Variants in CSMD3 observed in about 807,000 individuals in gnomAD.
CSMD3 encodes CUB and Sushi multiple domains 3.
Under a neutral mutation model 435.2 loss-of-function variants are expected in CSMD3, and 177 were observed. That is an observed-to-expected ratio of 0.41 (90% CI 0.36 to 0.46). The LOEUF (loss-of-function observed/expected upper bound fraction) is 0.46. CSMD3 is among the 20% of genes least tolerant of loss of function. CSMD3 has a pLI of 0.34. For synonymous variants in CSMD3, 1,656 were observed against 1,520.5 expected (o/e 1.09, Z -2.07); for missense variants, 4,265 against 4,504.6 (o/e 0.95, Z 1.52).
intron 63 of CSMD3, 100 bp downstream of exon 63, chr8:112,254,153 G>A: frequency 1.2e-6 from 1 of 856,798 alleles, no homozygotes; most frequent in South Asian, 1.3e-5. Flanking sequence ...AATGCAGATA[G>A]AACATGACTT....
At chr8:112,701,101 C>T (rs1384828110) in intron 13 of CSMD3, among the ~76,000 whole-genome samples, 1 of 152,110 alleles carries the variant, frequency 6.6e-6, no homozygotes, top group Non-Finnish European at 1.5e-5. Flanking sequence ...ACCTCCCAAG[C>T]TCCTCAATAA....
intron 2 of CSMD3, among the ~76,000 whole-genome samples, chr8:113,282,807 A>G (rs908331407): frequency 6.6e-6 from 1 of 152,158 alleles, no homozygotes; most frequent in African/African-American, 2.4e-5. Flanking sequence ...ACAAATCTGG[A>G]GGCATCACAT....
intron 32 of CSMD3, among the ~76,000 whole-genome samples, chr8:112,411,128 T>G (rs201571062): frequency 0.43 from 63,224 of 146,210 alleles, 14,057 homozygotes; most frequent in Middle Eastern, 0.6. Flanking sequence ...TCATCTTTTT[T>G]TTTTTTTTTT....
chr8:112,224,983 A>T, intron 70 of CSMD3, 53 bp from the exon 71 acceptor site: 1 of 1,515,654 alleles, frequency 6.6e-7, no homozygotes. Context: ...CAGAAACAGC[A>T]GACTACAGCT....
chr8:112,584,387 A>G (rs556158633), intron 23 of CSMD3, among the ~76,000 whole-genome samples: 1 of 151,884 alleles, frequency 6.6e-6, no homozygotes, highest in East Asian at 1.9e-4. Context: ...TCACTGGTGT[A>G]AACTCTACTG....
At chr8:113,054,754 C>T (rs2088245798) in intron 5 of CSMD3, among the ~76,000 whole-genome samples, 2 of 152,150 alleles carry the variant, frequency 1.3e-5, no homozygotes, top group African/African-American at 4.8e-5. Context: ...TCTGTACACG[C>T]TGTCTTCATT....
chr8:112,976,184 C>A lies in CSMD3; in HGVS notation c.1031-36G>T, dbSNP rs1229892862. 3.1e-6 allele frequency: 5 copies of A among 1,608,370 alleles called. No homozygotes were observed. The Admixed American group carries it at 6.7e-5, about 22-fold the overall frequency. On this transcript the variant is annotated intron_variant, in intron 6 of 70. Transcript: ENST00000297405. ...CAGTAGCACTAGATGCTAACTTTTT[C>A]TTTTTAAATTTTGTTTATTTTTTCT...
intron 32 of CSMD3, among the ~76,000 whole-genome samples, chr8:112,422,914 G>A (rs1469512361): frequency 6.6e-6 from 1 of 152,164 alleles, no homozygotes; most frequent in Non-Finnish European, 1.5e-5. Flanking sequence ...ATCAATGTGG[G>A]AAGAGGTTTT....
intron 5 of CSMD3, among the ~76,000 whole-genome samples, chr8:113,063,480 A>G (rs1016207365): frequency 1.3e-5 from 2 of 151,952 alleles, no homozygotes; most frequent in Admixed American, 6.6e-5. Flanking sequence ...TTTATATTTA[A>G]TTTGCTAATG....
intron 5 of CSMD3, among the ~76,000 whole-genome samples, chr8:113,028,014 T>C (rs1166155804): frequency 6.6e-6 from 1 of 152,150 alleles, no homozygotes; most frequent in Admixed American, 6.6e-5. Context: ...TATTGTGCTT[T>C]GCAGATATTG....
At chr8:112,836,213 G>C (rs756924728) in intron 11 of CSMD3, among the ~76,000 whole-genome samples, 2 of 151,732 alleles carry the variant, frequency 1.3e-5, no homozygotes, top group Non-Finnish European at 1.5e-5. Flanking sequence ...TTTTACATAG[G>C]TATTTTTTCC....
chr8:112,626,995 C>A (rs963736103), intron 22 of CSMD3, among the ~76,000 whole-genome samples: 2 of 152,074 alleles, frequency 1.3e-5, no homozygotes, highest in Non-Finnish European at 2.9e-5. Context: ...TAAGACCAAA[C>A]CTAGCATACA....
At chr8:112,927,128 G>C (rs367686775) in intron 9 of CSMD3, among the ~76,000 whole-genome samples, 8 of 152,098 alleles carry the variant, frequency 5.3e-5, no homozygotes, top group African/African-American at 1.7e-4. Context: ...TTCTCTAAAT[G>C]TCTTTAAACT....
At chr8:113,103,439 G>T (rs2090386455) in intron 4 of CSMD3, among the ~76,000 whole-genome samples, 1 of 152,082 alleles carries the variant, frequency 6.6e-6, no homozygotes, top group Non-Finnish European at 1.5e-5. Flanking sequence ...AGTTTGCAAA[G>T]TCAATCTGTT....
intron 7 of CSMD3, among the ~76,000 whole-genome samples, chr8:112,973,915 T>C (rs2084751025): frequency 6.6e-6 from 1 of 151,852 alleles, no homozygotes; most frequent in Non-Finnish European, 1.5e-5. Context: ...GATGAATACA[T>C]TAAAAATGTT....
chr8:112,557,824 G>A (rs1006337963), intron 24 of CSMD3, among the ~76,000 whole-genome samples: 3 of 151,922 alleles, frequency 2.0e-5, no homozygotes, highest in Non-Finnish European at 4.4e-5. Flanking sequence ...GTTTCCCTGA[G>A]TTTTGTGAGC....
At chr8:112,333,363 C>T (rs558012565) in intron 45 of CSMD3, among the ~76,000 whole-genome samples, 86 of 152,112 alleles carry the variant, frequency 5.7e-4, no homozygotes, top group Middle Eastern at 3.4e-3. Flanking sequence ...GACGGGGTTT[C>T]GCCATGTGGG....
chr8:113,032,302 T>C (rs1045253346), intron 5 of CSMD3, among the ~76,000 whole-genome samples: 3 of 151,594 alleles, frequency 2.0e-5, no homozygotes, highest in African/African-American at 7.3e-5. Flanking sequence ...ACTTGTTGAA[T>C]AGTTTTGACC....
At chr8:112,571,737 C>T (rs542935207) in intron 24 of CSMD3, among the ~76,000 whole-genome samples, 55 of 151,670 alleles carry the variant, frequency 3.6e-4, no homozygotes, top group African/African-American at 1.2e-3. Flanking sequence ...GGCATGGTGG[C>T]GGGTGCCTGT....
Sources: gnomAD v4.1 joint callset for allele counts (sites outside exome capture counted in the v4.1 genomes callset) on GRCh38, gnomAD v4.1.1 for gene constraint, MANE v1.5 for transcripts, NCBI Gene and HGNC (gene_info 2026-07-23, HGNC 2026-07-21) for gene names.